SEMA6D: variants seen among roughly 807,000 people sequenced by gnomAD.
The protein encoded by SEMA6D is semaphorin-6D.
SEMA6D carries 35 observed loss-of-function variants against 106.6 expected under a neutral mutation model. The ratio of observed to expected loss-of-function variants is 0.33; its 90% confidence interval spans 0.25 to 0.44. SEMA6D has a LOEUF of 0.44. SEMA6D is among the 20% of genes least tolerant of loss of function. SEMA6D has a pLI of 1.00. For synonymous variants in SEMA6D, 499 were observed against 487.7 expected (o/e 1.02, Z -0.31); for missense variants, 1,185 against 1,345.9 (o/e 0.88, Z 1.87).
At chr15:47,684,667 G>A (rs1050782735) in intron 4 of SEMA6D, among the ~76,000 whole-genome samples, 1 of 152,158 alleles carries the variant, frequency 6.6e-6, no homozygotes, top group African/African-American at 2.4e-5. Context: ...AGGTTACTAT[G>A]CTAGCAGTTG....
intron 3 of SEMA6D, among the ~76,000 whole-genome samples, chr15:47,479,189 A>AT (rs1217891747): frequency 2.0e-5 from 3 of 151,964 alleles, no homozygotes; most frequent in Non-Finnish European, 4.4e-5. Flanking sequence ...TACATATATA[A>AT]TTTTTTTATT....
At chr15:47,348,270 A>G (rs1256969319) in intron 1 of SEMA6D, among the ~76,000 whole-genome samples, 1 of 152,160 alleles carries the variant, frequency 6.6e-6, no homozygotes, top group Non-Finnish European at 1.5e-5. Flanking sequence ...TACTAGCAGT[A>G]TGACCCTGGA....
At chr15:47,197,787 G>A (rs17283675) in intron 1 of SEMA6D, among the ~76,000 whole-genome samples, 1,873 of 152,072 alleles carry the variant, frequency 0.012, 43 homozygotes, top group Admixed American at 0.012. Flanking sequence ...TTCCCATGCC[G>A]TCATTAATTA....
intron 4 of SEMA6D, among the ~76,000 whole-genome samples, chr15:47,628,542 T>G (rs2077241124): frequency 6.6e-6 from 1 of 152,110 alleles, no homozygotes; most frequent in Non-Finnish European, 1.5e-5. Context: ...ATGGGCTTTT[T>G]TTCTAACTAT....
intron 3 of SEMA6D, among the ~76,000 whole-genome samples, chr15:47,591,888 T>C (rs983770259): frequency 6.6e-6 from 1 of 152,052 alleles, no homozygotes; most frequent in South Asian, 2.1e-4. Flanking sequence ...GAGAGAGAGC[T>C]TGGGGAGAAT....
In SEMA6D at chr15:47,770,854, A is replaced by C. The variant is rs778286232; in HGVS notation, c.2291A>C (p.Gln764Pro). 5 of 1,613,910 alleles carry C rather than the reference A, an allele frequency of 3.1e-6. No individual in the cohort carries two copies. In the Admixed American group the frequency reaches 8.3e-5, roughly 27 times the overall value. The change falls in exon 19 of 19, where the codon CAA (glutamine) becomes CCA (proline). Residue 764 changes from glutamine to proline, a missense_variant. This residue lies in a region of SEMA6D where 750 missense variants were observed against 783.5 expected (regional missense o/e 0.96). Transcript: ENST00000536845. Reference protein sequence around the residue: ...TKSMVMDHRGQPPELAALPTP... With the variant: ...TKSMVMDHRGPPPELAALPTP... ...TCCATGGTAATGGACCATCGAGGGC[A>C]ACCTCCAGAGTTGGCTGCTCTTCCT...
chr15:47,517,174 TTCCC>T (rs1319627402), intron 3 of SEMA6D, among the ~76,000 whole-genome samples: 5 of 152,152 alleles, frequency 3.3e-5, no homozygotes, highest in Non-Finnish European at 5.9e-5. Flanking sequence ...GGGGAAATAC[TTCCC>T]TGAGAGGCAG....
chr15:47,398,774 C>A (rs547489013), intron 1 of SEMA6D, among the ~76,000 whole-genome samples: 5 of 152,008 alleles, frequency 3.3e-5, no homozygotes, highest in African/African-American at 1.2e-4. Context: ...CTGTCATCAC[C>A]CTCTCAGAAA....
intron 1 of SEMA6D, among the ~76,000 whole-genome samples, chr15:47,265,561 A>T (rs548854806): frequency 9.3e-4 from 141 of 150,936 alleles, no homozygotes; most frequent in African/African-American, 3.1e-3. Flanking sequence ...GCTACTTTAA[A>T]ATCTTCTCTG....
intron 1 of SEMA6D, among the ~76,000 whole-genome samples, chr15:47,357,801 T>G (rs758057857): frequency 3.5e-4 from 53 of 152,166 alleles, no homozygotes; most frequent in Admixed American, 7.9e-4. Context: ...CCAACCAAGT[T>G]GACACTGAGT....
At chr15:47,603,639 G>A (rs1174084101) in intron 4 of SEMA6D, among the ~76,000 whole-genome samples, 1 of 152,034 alleles carries the variant, frequency 6.6e-6, no homozygotes, top group Non-Finnish European at 1.5e-5. Context: ...AGTTACAAAT[G>A]TGCGAAAAGT....
In SEMA6D at chr15:47,759,741, C is replaced by A; in HGVS notation, c.-54-4C>A. The A allele has an allele frequency of 8.1e-7, 1 of 1,231,632 alleles. No homozygotes were observed. Among genetic ancestry groups the A allele is most frequent in the Non-Finnish European group, 1.2e-6 (1 of 832,300 alleles). The allele number at this position is 1,231,632 out of a possible 1,614,324, so 76.3% of individuals were successfully genotyped here. The stretch of plus-strand genomic sequence containing the variant: ...GATCTTTCCAAACTGCTTCTGTTTT[C>A]CAGGTAGCTCAGTGGCATTTCTGAG... On this transcript the variant is annotated splice_region_variant and splice_polypyrimidine_tract_variant and intron_variant, in intron 1 of 18. Coordinates refer to ENST00000536845, the MANE Select transcript of SEMA6D (RefSeq NM_001358351.3).
At chr15:47,207,158 T>A (rs1895128728) in intron 1 of SEMA6D, among the ~76,000 whole-genome samples, 1 of 152,136 alleles carries the variant, frequency 6.6e-6, no homozygotes, top group African/African-American at 2.4e-5. Flanking sequence ...CTTGAAAGAA[T>A]TTTAAAAAGA....
intron 1 of SEMA6D, among the ~76,000 whole-genome samples, chr15:47,276,013 AC>A (rs1186333292): frequency 6.6e-6 from 1 of 152,162 alleles, no homozygotes; most frequent in African/African-American, 2.4e-5. Context: ...AGAAGTTCAA[AC>A]CAGCCACAGC....
chr15:47,303,320 C>T (rs991909186), intron 1 of SEMA6D, among the ~76,000 whole-genome samples: 1 of 152,162 alleles, frequency 6.6e-6, no homozygotes, highest in African/African-American at 2.4e-5. Flanking sequence ...TGTATGGCAA[C>T]GACTTGGATG....
intron 4 of SEMA6D, among the ~76,000 whole-genome samples, chr15:47,628,063 A>G (rs892345885): frequency 4.6e-5 from 7 of 151,964 alleles, no homozygotes; most frequent in African/African-American, 1.7e-4. Flanking sequence ...CTATTAGCCT[A>G]CCCCTCTGCT....
intron 3 of SEMA6D, among the ~76,000 whole-genome samples, chr15:47,526,903 A>T (rs987133165): frequency 7.2e-5 from 11 of 151,846 alleles, no homozygotes; most frequent in African/African-American, 2.7e-4. Flanking sequence ...TGCCTGGCTA[A>T]TTTTTTTGTA....
intron 4 of SEMA6D, among the ~76,000 whole-genome samples, chr15:47,676,629 G>T (rs2145498355): frequency 6.6e-6 from 1 of 152,264 alleles, no homozygotes; most frequent in Non-Finnish European, 1.5e-5. Flanking sequence ...TGCAGCAATT[G>T]AGGTACCCTG....
chr15:47,684,518 T>G (rs1445380633), intron 4 of SEMA6D, among the ~76,000 whole-genome samples: 1 of 152,166 alleles, frequency 6.6e-6, no homozygotes, highest in Non-Finnish European at 1.5e-5. Context: ...TGATATAGAA[T>G]GTAAGCTCCA....
Sources: gnomAD v4.1 joint callset for allele counts (sites outside exome capture counted in the v4.1 genomes callset) on GRCh38, gnomAD v4.1.1 for gene constraint, gnomAD v4.1.1 regional missense constraint, MANE v1.5 for transcripts, NCBI Gene and HGNC (gene_info 2026-07-23, HGNC 2026-07-21) for gene names.